The following MYO3B variants were observed in gnomAD, a reference collection of about 807,000 sequenced individuals.
MYO3B encodes myosin IIIB.
MYO3B carries 156 observed loss-of-function variants against 174.6 expected under a neutral mutation model. That is an observed-to-expected ratio of 0.89 (90% CI 0.78 to 1.02). The LOEUF is 1.02. Ranked by LOEUF, MYO3B falls within the 50% of genes least tolerant of loss-of-function variation. MYO3B has a pLI of 0.00. For missense variants in MYO3B, 1,632 were observed against 1,639.4 expected, an observed-to-expected ratio of 1.00 and a Z score of 0.08; for synonymous variants, 563 against 569.1, an observed-to-expected ratio of 0.99 and a Z score of 0.15.
intron 32 of MYO3B, among the ~76,000 whole-genome samples, chr2:170,601,473 C>T (rs1313817527): frequency 6.6e-6 from 1 of 151,890 alleles, no homozygotes; most frequent in Non-Finnish European, 1.5e-5. Context: ...GTTAACTGTA[C>T]AAAAAAAGAC....
In MYO3B at chr2:170,602,043, A is replaced by G. The variant is rs1575229351; in HGVS notation, c.3734-49585A>G. The G allele has an allele frequency of 3.4e-5, 31 of 924,744 alleles. No homozygotes were observed. In the East Asian group the frequency reaches 6.2e-4, roughly 19 times the overall value. The allele number at this position is 924,744 out of a possible 1,614,324, so 57.3% of individuals were successfully genotyped here. A position where few individuals can be genotyped will look rare whatever the true frequency, so the allele number is the denominator to read the frequency against. On this transcript the variant is annotated intron_variant, in intron 32 of 34. Coordinates refer to ENST00000408978, the MANE Select transcript of MYO3B (RefSeq NM_138995.5). ...AACGGTCTTTGTCCACCTTTGCCATATCTTCAAATTTTCCTTTATCTTTAG... is the reference window on the plus strand; with the variant it reads ...AACGGTCTTTGTCCACCTTTGCCATGTCTTCAAATTTTCCTTTATCTTTAG...
At chr2:170,578,045 A>C (rs1692895559) in intron 32 of MYO3B, among the ~76,000 whole-genome samples, 1 of 152,182 alleles carries the variant, frequency 6.6e-6, no homozygotes, top group African/African-American at 2.4e-5. Flanking sequence ...AAATTGATTT[A>C]ATATTAGGCC....
chr2:170,285,900 G>A (rs2093552952), intron 7 of MYO3B, among the ~76,000 whole-genome samples: 1 of 151,692 alleles, frequency 6.6e-6, no homozygotes, highest in Non-Finnish European at 1.5e-5. Context: ...ATATGAGGGA[G>A]AAACCTAAGT....
chr2:170,203,354 C>T (rs1438288124), intron 3 of MYO3B, among the ~76,000 whole-genome samples: 1 of 152,080 alleles, frequency 6.6e-6, no homozygotes, highest in African/African-American at 2.4e-5. Context: ...GTTTGGAGTA[C>T]TGGTAAATGA....
chr2:170,580,877 T>C (rs1269608407), intron 32 of MYO3B, among the ~76,000 whole-genome samples: 1 of 152,180 alleles, frequency 6.6e-6, no homozygotes, highest in Non-Finnish European at 1.5e-5. Context: ...TTGATACATA[T>C]AGAACTCTCA....
At chr2:170,356,043 C>G (rs1247004544) in intron 8 of MYO3B, among the ~76,000 whole-genome samples, 1 of 151,910 alleles carries the variant, frequency 6.6e-6, no homozygotes, top group Non-Finnish European at 1.5e-5. Flanking sequence ...TCACTGCAAG[C>G]TCTGCCTCCT....
At chr2:170,213,263 T>C (rs956527567) in intron 3 of MYO3B, among the ~76,000 whole-genome samples, 3 of 152,190 alleles carry the variant, frequency 2.0e-5, no homozygotes, top group African/African-American at 7.2e-5. Flanking sequence ...GCAAGACTCC[T>C]GTCTCAAGAG....
chr2:170,498,912 G>A (rs1687052118), intron 26 of MYO3B, among the ~76,000 whole-genome samples: 1 of 152,184 alleles, frequency 6.6e-6, no homozygotes, highest in South Asian at 2.1e-4. Flanking sequence ...TGTAATTTGA[G>A]AGCTATTTAG....
intron 9 of MYO3B, among the ~76,000 whole-genome samples, chr2:170,378,321 C>T (rs2094309444): frequency 6.6e-6 from 1 of 152,090 alleles, no homozygotes; most frequent in Admixed American, 6.6e-5. Flanking sequence ...AATAGTGCTA[C>T]ACATATATAT....
intron 6 of MYO3B, among the ~76,000 whole-genome samples, chr2:170,230,026 ATAGT>A (rs1328287304): frequency 3.9e-5 from 6 of 152,212 alleles, no homozygotes. Context: ...TGCCACTGGA[ATAGT>A]TATACTGTAA....
rs995691774 is a variant in MYO3B at position 170,298,658 on chromosome 2, G to A, written c.750-36727G>A. 5.2e-5 allele frequency among the ~76,000 whole-genome samples: 7 copies of A among 133,898 alleles called. No individual in the cohort carries two copies. In the Admixed American group the frequency reaches 6.1e-4, roughly 12 times the overall value. 87.8% of individuals were successfully genotyped at this position (133,898 alleles called of 152,430 possible). ...CACTGCTCTGCACTCCAGCCTCGGT[G>A]ACAGAGCAAGACTCTGTCTCAAAAA... is the stretch of plus-strand genomic sequence containing the variant. On this transcript the variant is annotated intron_variant, in intron 7 of 34. Coordinates refer to ENST00000408978, the MANE Select transcript of MYO3B (RefSeq NM_138995.5).
chr2:170,250,641 T>C (rs112575535), intron 7 of MYO3B, among the ~76,000 whole-genome samples: 1,872 of 152,254 alleles, frequency 0.012, 36 homozygotes, highest in African/African-American at 0.043. Flanking sequence ...TTTGCAAGGG[T>C]AGAGGGCCAG....
chr2:170,375,095 G>T (rs1357360610), intron 9 of MYO3B, among the ~76,000 whole-genome samples: 2 of 152,096 alleles, frequency 1.3e-5, no homozygotes, highest in Non-Finnish European at 2.9e-5. Context: ...ATCTGTTGGA[G>T]GTGTTTTTAA....
intron 7 of MYO3B, among the ~76,000 whole-genome samples, chr2:170,327,341 C>T (rs777112003): frequency 4.5e-4 from 69 of 152,178 alleles, no homozygotes; most frequent in Non-Finnish European, 7.8e-4. Flanking sequence ...GCTGAGATCA[C>T]GCCACTGCAC....
rs181104587 is a variant in MYO3B at position 170,516,273 on chromosome 2, C to T, written c.3472+1251C>T. Among the ~76,000 whole-genome samples, 96 of 152,198 alleles carry T rather than the reference C, an allele frequency of 6.3e-4. 1 individual carries two copies. The highest frequency in any genetic ancestry group is 2.2e-3 in the African/African-American group (90 of 41,538). On this transcript the variant is annotated intron_variant, in intron 29 of 34. Transcript: ENST00000408978. ...GTGCCCCCAAAGGCATTTGCAACAC[C>T]TCCTAATGGTGTTCTTGGTGTTTTT... is the stretch of plus-strand genomic sequence containing the variant.
intron 29 of MYO3B, among the ~76,000 whole-genome samples, chr2:170,516,357 T>A (rs747276842): frequency 6.6e-6 from 1 of 151,968 alleles, no homozygotes; most frequent in Non-Finnish European, 1.5e-5. Context: ...AATAGTCTGA[T>A]AGAGATGGGC....
In MYO3B at chr2:170,401,699, C is replaced by T. The variant is rs571379822; in HGVS notation, c.2129+8C>T. 1 of 1,612,088 alleles carries T rather than the reference C, an allele frequency of 6.2e-7. No individual in the cohort carries two copies. Among genetic ancestry groups the T allele is most frequent in the Non-Finnish European group, 8.5e-7 (1 of 1,179,730 alleles). On this transcript the variant is annotated splice_region_variant and intron_variant, in intron 18 of 34. Transcript: ENST00000408978. Reference sequence around the variant, plus strand: ...GCCAGACGAAAACATATGGCAAGTTCCTCGGAGAGCAGAGGGTCTCAGGAG... The same window carrying T: ...GCCAGACGAAAACATATGGCAAGTTTCTCGGAGAGCAGAGGGTCTCAGGAG...
rs141179952 is a variant in MYO3B, at chr2:170,210,629, A to G, written c.322-3750A>G. ...CAAGCTGGCAAGTTGAAAAGTTCTT[A>G]AAAACCAAAAAGGCAGTTTATAACC... On this transcript the variant is annotated intron_variant, in intron 3 of 34. Coordinates refer to ENST00000408978, the MANE Select transcript of MYO3B (RefSeq NM_138995.5). 6.0e-3 allele frequency among the ~76,000 whole-genome samples: 908 copies of G among 152,350 alleles called. 10 individuals carry two copies. Among genetic ancestry groups the G allele is most frequent in the African/African-American group, 0.02 (821 of 41,574 alleles).
intron 25 of MYO3B, among the ~76,000 whole-genome samples, chr2:170,486,007 GGA>G (rs138105393): frequency 1.3e-5 from 2 of 149,918 alleles, no homozygotes. Flanking sequence ...AAAGAAAGAG[GGA>G]GAGAGAGAGA....
Sources: gnomAD v4.1 joint callset for allele counts (sites outside exome capture counted in the v4.1 genomes callset) on GRCh38, gnomAD v4.1.1 for gene constraint, MANE v1.5 for transcripts, NCBI Gene and HGNC (gene_info 2026-07-23, HGNC 2026-07-21) for gene names.